REPS2: variants seen among roughly 807,000 people sequenced by gnomAD.
The protein encoded by REPS2 is RALBP1 associated Eps domain containing 2.
A neutral mutation model predicts 53.6 loss-of-function variants in REPS2; 23 were observed. The ratio of observed to expected loss-of-function variants is 0.43; its 90% CI spans 0.31 to 0.61. The LOEUF (loss-of-function observed/expected upper bound fraction) is 0.61, where lower values mean the gene tolerates loss of function less well. Among genes scored for constraint, REPS2 ranks in the 20% least tolerant of loss-of-function variants. REPS2 has a pLI of 0.11. For missense variants in REPS2, 446 were observed against 534.9 expected, an observed-to-expected ratio of 0.83 and a Z score of 1.64; for synonymous variants, 238 against 218.6, an observed-to-expected ratio of 1.09 and a Z score of -0.78.
intron 1 of REPS2, among the ~76,000 whole-genome samples, chrX:17,003,287 G>T (rs771619024): frequency 8.9e-6 from 1 of 111,952 alleles, no homozygotes; most frequent in East Asian, 2.8e-4. Flanking sequence ...CAAAGATAAG[G>T]TTGGTCTTGA....
Position 17,149,157 on chromosome X carries a change from C to T in REPS2, c.*1676C>T. On this transcript the variant is annotated 3_prime_UTR_variant, in exon 18 of 18. Transcript: ENST00000357277. ...TATTTTTCTATTCCCTTTTTTTCTT[C>T]CCCATTTGCTGCCTTTTTTGTTTTT... The T allele has an allele frequency of 4.1e-6, 1 of 245,491 alleles. No individual in the cohort carries two copies. The highest frequency in any genetic ancestry group is 7.6e-6 in the Non-Finnish European group (1 of 131,459). The allele number at this position is 245,491 out of a possible 1,213,427, so 20.2% of individuals were successfully genotyped here.
intron 1 of REPS2, among the ~76,000 whole-genome samples, chrX:16,990,101 A>G (rs1026167626): frequency 8.9e-6 from 1 of 112,437 alleles, no homozygotes; most frequent in African/African-American, 3.2e-5. Context: ...ACTACCCAGC[A>G]GTAAAAAGGA....
intron 13 of REPS2, among the ~76,000 whole-genome samples, chrX:17,082,318 C>T (rs766411104): frequency 1.8e-5 from 2 of 112,598 alleles, no homozygotes. Flanking sequence ...GACCTAGGCC[C>T]ATGGATAGAC....
the REPS2 span, among the ~76,000 whole-genome samples, chrX:17,158,391 T>C: frequency 9.0e-6 from 1 of 111,326 alleles, no homozygotes; most frequent in Non-Finnish European, 1.9e-5. Context: ...TAAATGATGG[T>C]GGAGCAATTG....
the REPS2 span, among the ~76,000 whole-genome samples, chrX:17,177,224 A>G: frequency 7.1e-5 from 8 of 112,318 alleles, no homozygotes; most frequent in African/African-American, 1.9e-4. Context: ...GGCCCAGTTG[A>G]TGTCAAATGA....
rs184855502 is a variant in REPS2 at position 17,133,344 on chromosome X, G to A, written c.1579-480G>A. Among the ~76,000 whole-genome samples the A allele has an allele frequency of 2.7e-4, 30 of 111,646 alleles. 1 individual carries two copies. The highest frequency in any genetic ancestry group is 9.4e-4 in the African/African-American group (29 of 30,756). ...GCTGGATCTGGGGATGCAGCAGTGCGTGGGCTTTGGTTGGCCTGGGGGATA... is the reference window on the plus strand; with the variant it reads ...GCTGGATCTGGGGATGCAGCAGTGCATGGGCTTTGGTTGGCCTGGGGGATA... On this transcript the variant is annotated intron_variant, in intron 14 of 17. Transcript: ENST00000357277.
intron 11 of REPS2, among the ~76,000 whole-genome samples, chrX:17,073,050 T>C (rs1429760157): frequency 9.0e-6 from 1 of 111,480 alleles, no homozygotes; most frequent in Non-Finnish European, 1.9e-5. Context: ...GCTTTGTGCC[T>C]TGTTAGCATT....
chrX:17,110,324 T>G (rs1334069026), intron 14 of REPS2, among the ~76,000 whole-genome samples: 3 of 106,956 alleles, frequency 2.8e-5, no homozygotes, highest in Non-Finnish European at 5.8e-5. Flanking sequence ...TTTTTTTTTT[T>G]TTTTGGGAAT....
chrX:17,055,850 A>AG (rs1304443651), intron 8 of REPS2, among the ~76,000 whole-genome samples: 1 of 40,994 alleles, frequency 2.4e-5, no homozygotes, highest in Non-Finnish European at 4.2e-5. Flanking sequence ...GGGTCGGGGG[A>AG]GGGGGGAGGG....
intron 14 of REPS2, among the ~76,000 whole-genome samples, chrX:17,120,211 CAG>C (rs2063124520): frequency 1.8e-5 from 2 of 111,479 alleles, no homozygotes; most frequent in Admixed American, 1.9e-4. Flanking sequence ...CTGAGGGGGT[CAG>C]GGGAGGAGCA....
At chrX:17,108,092 A>T (rs769106327) in intron 14 of REPS2, among the ~76,000 whole-genome samples, 1 of 110,412 alleles carries the variant, frequency 9.1e-6, no homozygotes, top group Admixed American at 9.6e-5. Flanking sequence ...AGCAGTGTTA[A>T]AGTGAGAGTT....
downstream of REPS2, among the ~76,000 whole-genome samples, chrX:17,155,264 C>G (rs941610591): frequency 9.0e-6 from 1 of 111,260 alleles, no homozygotes; most frequent in Non-Finnish European, 1.9e-5. Context: ...GGTGAGGGAG[C>G]TGAGTATGCT....
intron 17 of REPS2, among the ~76,000 whole-genome samples, chrX:17,141,401 A>T (rs752425600): frequency 8.9e-6 from 1 of 112,154 alleles, no homozygotes; most frequent in African/African-American, 3.2e-5. Flanking sequence ...GTAGTATCCC[A>T]TTGGGTGAAT....
At chrX:17,117,901 A>C (rs1270673814) in intron 14 of REPS2, among the ~76,000 whole-genome samples, 1 of 106,865 alleles carries the variant, frequency 9.4e-6, no homozygotes, top group Non-Finnish European at 1.9e-5. Context: ...ACAGTGTAAA[A>C]GTGTTCCTAT....
At chrX:17,177,735 C>T in the REPS2 span, among the ~76,000 whole-genome samples, 6 of 112,245 alleles carry the variant, frequency 5.3e-5, no homozygotes, top group African/African-American at 1.3e-4. Context: ...TTTCAGTTTT[C>T]GCTTGCTGCC....
At chrX:16,962,627 T>C (rs1295271248) in intron 1 of REPS2, among the ~76,000 whole-genome samples, 4 of 111,524 alleles carry the variant, frequency 3.6e-5, no homozygotes, top group African/African-American at 1.3e-4. Flanking sequence ...TTGTATTGTA[T>C]ATGGAAAATG....
intron 2 of REPS2, among the ~76,000 whole-genome samples, chrX:17,012,380 AAACAAC>A (rs370794081): frequency 7.5e-4 from 76 of 101,935 alleles, no homozygotes; most frequent in Admixed American, 1.4e-3. Flanking sequence ...TGCCATCTCA[AAACAAC>A]AACAACAACA....
At chrX:17,032,719 G>A (rs1259743450) in intron 5 of REPS2, among the ~76,000 whole-genome samples, 1 of 111,938 alleles carries the variant, frequency 8.9e-6, no homozygotes. Flanking sequence ...ATTACAAGGG[G>A]GCATGTCCTC....
At chrX:17,045,125 G>T (rs949020516) in intron 5 of REPS2, among the ~76,000 whole-genome samples, 2 of 104,500 alleles carry the variant, frequency 1.9e-5, no homozygotes, top group Non-Finnish European at 4.1e-5. Context: ...TAGAGACGGG[G>T]TTTCACCATG....
Sources: allele counts gnomAD v4.1 joint callset (sites outside exome capture counted in the v4.1 genomes callset), GRCh38; gene constraint gnomAD v4.1.1; transcripts MANE v1.5; gene names NCBI Gene and HGNC (gene_info 2026-07-23, HGNC 2026-07-21).